Variants in LRRIQ1 observed in about 807,000 individuals in gnomAD.
LRRIQ1 encodes leucine-rich repeat- and IQ domain-containing protein 1.
In LRRIQ1, 210 loss-of-function variants were observed where a neutral mutation model predicts 211.9. The observed-to-expected ratio is 0.99, with a 90% CI of 0.89 to 1.11. LRRIQ1 has a LOEUF of 1.11. Ranked by LOEUF, LRRIQ1 falls within the 50% of genes most tolerant of loss-of-function variation. The pLI, the probability that LRRIQ1 is intolerant of heterozygous loss-of-function variation, is 0.00. For synonymous variants in LRRIQ1, 699 were observed against 650.1 expected, an observed-to-expected ratio of 1.08 and a Z score of -1.14; for missense variants, 2,136 against 1,939.5, an observed-to-expected ratio of 1.10 and a Z score of -1.90.
intron 24 of LRRIQ1, among the ~76,000 whole-genome samples, chr12:85,217,369 T>C (rs977397782): frequency 6.7e-5 from 10 of 149,418 alleles, no homozygotes; most frequent in Non-Finnish European, 1.5e-4. Flanking sequence ...TAAAACCACC[T>C]ACTTGTCCCT....
intron 24 of LRRIQ1, among the ~76,000 whole-genome samples, chr12:85,203,471 C>G (rs942961360): frequency 6.6e-6 from 1 of 152,020 alleles, no homozygotes; most frequent in African/African-American, 2.4e-5. Context: ...TTGGGGGGCT[C>G]AGAATAAGTC....
At chr12:85,057,494 G>T (rs1156886983) in intron 8 of LRRIQ1, among the ~76,000 whole-genome samples, 1 of 152,016 alleles carries the variant, frequency 6.6e-6, no homozygotes. Context: ...GTTAGGGTTA[G>T]AATTATAGTA....
chr12:85,230,274 G>A (rs928853393), intron 25 of LRRIQ1, among the ~76,000 whole-genome samples: 4 of 152,198 alleles, frequency 2.6e-5, no homozygotes, highest in African/African-American at 9.6e-5. Flanking sequence ...AGATTGGGTA[G>A]TTTAAACAAG....
At chr12:85,148,910 A>G (rs1381951172) in intron 19 of LRRIQ1, among the ~76,000 whole-genome samples, 2 of 151,696 alleles carry the variant, frequency 1.3e-5, no homozygotes, top group African/African-American at 2.4e-5. Context: ...GTAATGTTGA[A>G]CTTTTTTTTA....
chr12:85,046,330 T>G (rs976452941), intron 5 of LRRIQ1, among the ~76,000 whole-genome samples, 193 bp downstream of exon 5: 4 of 152,308 alleles, frequency 2.6e-5, no homozygotes, highest in African/African-American at 9.6e-5. Flanking sequence ...ATTTACTTGA[T>G]TTAAATATTT....
intron 10 of LRRIQ1, among the ~76,000 whole-genome samples, chr12:85,069,899 C>G (rs1023622516): frequency 1.3e-5 from 2 of 151,960 alleles, no homozygotes; most frequent in African/African-American, 4.8e-5. Flanking sequence ...TGCCTGTTCA[C>G]TCTGATGGTA....
intron 23 of LRRIQ1, among the ~76,000 whole-genome samples, chr12:85,156,379 AAAAG>A (rs1255521264): frequency 2.6e-5 from 4 of 151,808 alleles, no homozygotes; most frequent in Non-Finnish European, 5.9e-5. Context: ...AAAAGCATGA[AAAAG>A]AAAATCTGAG....
chr12:85,098,845 A>G, intron 12 of LRRIQ1, 22 bp from the exon 13 acceptor site: 1 of 1,511,206 alleles, frequency 6.6e-7, no homozygotes, highest in Non-Finnish European at 8.9e-7. Context: ...AATATAAACT[A>G]ATGAACCAAA....
At chr12:85,173,835 C>T (rs114377445) in intron 24 of LRRIQ1, among the ~76,000 whole-genome samples, 335 of 152,108 alleles carry the variant, frequency 2.2e-3, no homozygotes, top group African/African-American at 7.8e-3. Context: ...TTTGGGGGTA[C>T]ACAAATATTT....
At chr12:85,042,270 G>A (rs902146897) in intron 3 of LRRIQ1, among the ~76,000 whole-genome samples, 1 of 151,196 alleles carries the variant, frequency 6.6e-6, no homozygotes, top group Non-Finnish European at 1.5e-5. Flanking sequence ...TTTCTAATAA[G>A]ATCAAATAAA....
chr12:85,114,793 A>G (rs538669227), intron 15 of LRRIQ1, among the ~76,000 whole-genome samples: 42 of 152,324 alleles, frequency 2.8e-4, no homozygotes, highest in Non-Finnish European at 4.9e-4. Context: ...CAGTTGGCCT[A>G]TACTTAATTT....
chr12:85,200,820 T>A (rs1449111271), intron 24 of LRRIQ1, among the ~76,000 whole-genome samples: 2 of 151,698 alleles, frequency 1.3e-5, no homozygotes, highest in African/African-American at 2.4e-5. Context: ...GGCTTAGCAT[T>A]TTTTTTTCTT....
At chr12:85,217,504 ATATATGTGTGTGTG>A (rs1306002476) in intron 24 of LRRIQ1, among the ~76,000 whole-genome samples, 18 of 67,054 alleles carry the variant, frequency 2.7e-4, no homozygotes, top group South Asian at 7.7e-4. Context: ...ATATATATAT[ATATATGTGTGTGTG>A]TGTGTGTGTG....
chr12:85,173,175 C>T (rs1891501794), intron 24 of LRRIQ1, among the ~76,000 whole-genome samples: 1 of 152,036 alleles, frequency 6.6e-6, no homozygotes, highest in South Asian at 2.1e-4. Context: ...AACATTAATT[C>T]TGTAATAAAA....
chr12:85,101,176 C>T (rs564664747), intron 13 of LRRIQ1, among the ~76,000 whole-genome samples: 2 of 151,772 alleles, frequency 1.3e-5, no homozygotes, highest in South Asian at 2.1e-4. Flanking sequence ...TATACTTTTC[C>T]TTTAATTTTT....
downstream of LRRIQ1, among the ~76,000 whole-genome samples, chr12:85,247,994 CT>C (rs1438535197): frequency 6.6e-6 from 1 of 151,608 alleles, no homozygotes; most frequent in South Asian, 2.1e-4. Flanking sequence ...AGATTACATT[CT>C]CATTCAAAAA....
chr12:85,101,931 G>A (rs900850041), intron 13 of LRRIQ1, among the ~76,000 whole-genome samples: 4 of 151,218 alleles, frequency 2.6e-5, no homozygotes, highest in African/African-American at 4.9e-5. Flanking sequence ...ATAACTTACT[G>A]GCTAAAAACA....
intron 24 of LRRIQ1, among the ~76,000 whole-genome samples, chr12:85,205,828 T>C (rs1592968946): frequency 1.3e-5 from 2 of 152,164 alleles, no homozygotes; most frequent in East Asian, 1.9e-4. Context: ...TTTTGCCTGA[T>C]TGAGTTATTT....
intron 3 of LRRIQ1, among the ~76,000 whole-genome samples, chr12:85,044,085 A>G (rs1395187778): frequency 6.6e-6 from 1 of 152,062 alleles, no homozygotes. Flanking sequence ...TTAAAAGAAA[A>G]TCTATAATAT....
Sources: gnomAD v4.1 joint callset for allele counts (sites outside exome capture counted in the v4.1 genomes callset) on GRCh38, gnomAD v4.1.1 for gene constraint, MANE v1.5 for transcripts, NCBI Gene and HGNC (gene_info 2026-07-23, HGNC 2026-07-21) for gene names.